Variants in MKX observed in about 807,000 individuals in gnomAD.
MKX encodes the protein mohawk homeobox, also known as homeobox protein Mohawk.
MKX carries 13 observed loss-of-function variants against 36.0 expected under a neutral mutation model. The ratio of observed to expected loss-of-function variants is 0.36; its 90% CI spans 0.24 to 0.57. The LOEUF (loss-of-function observed/expected upper bound fraction) is 0.57, where lower values mean the gene tolerates loss of function less well. Among genes scored for constraint, MKX ranks in the 20% least tolerant of loss-of-function variants. MKX has a pLI of 0.79. For missense variants in MKX, 458 were observed against 456.4 expected (o/e 1.00, Z -0.03); for synonymous variants, 176 against 178.3 (o/e 0.99, Z 0.10).
intron 5 of MKX, among the ~76,000 whole-genome samples, chr10:27,700,554 T>C (rs1459752741): frequency 6.6e-6 from 1 of 152,186 alleles, no homozygotes; most frequent in Non-Finnish European, 1.5e-5. Context: ...CTGTTCCTCA[T>C]TACCCAAGAA....
In MKX at chr10:27,741,572, C is replaced by T. The variant is rs966197622; in HGVS notation, c.189-68G>A. ...TTGCCCGCCCGGACGCTCCACGCCCCGGCCAAGCCCGGGCCCCGCATCCAA... is the reference window on the plus strand; with the variant it reads ...TTGCCCGCCCGGACGCTCCACGCCCTGGCCAAGCCCGGGCCCCGCATCCAA... On this transcript the variant is annotated intron_variant, in intron 2 of 6. Transcript: ENST00000419761. This position sits in a 1 kb window ranked among gnomAD's most constrained non-coding sequence, Gnocchi z 5.1. The T allele has an allele frequency of 4.1e-6, 6 of 1,476,380 alleles. No homozygotes were observed. Among genetic ancestry groups the T allele is most frequent in the East Asian group, 2.4e-5 (1 of 41,976 alleles). The allele number at this position is 1,476,380 out of a possible 1,614,324, so 91.5% of individuals were successfully genotyped here. A position where few individuals can be genotyped will look rare whatever the true frequency, so the allele number is the denominator to read the frequency against.
At chr10:27,697,698 C>T (rs1485298091) in intron 5 of MKX, among the ~76,000 whole-genome samples, 1 of 152,224 alleles carries the variant, frequency 6.6e-6, no homozygotes, top group Non-Finnish European at 1.5e-5. Flanking sequence ...TGAATGTGTG[C>T]TGTACACCAG....
At chr10:27,727,328 G>C (rs982364599) in intron 5 of MKX, among the ~76,000 whole-genome samples, 1 of 152,208 alleles carries the variant, frequency 6.6e-6, no homozygotes, top group Non-Finnish European at 1.5e-5. Context: ...TGAATGGAAA[G>C]CCACCCCTGA....
intron 5 of MKX, among the ~76,000 whole-genome samples, chr10:27,690,582 G>A (rs149109648): frequency 1.4e-4 from 21 of 152,190 alleles, no homozygotes; most frequent in Non-Finnish European, 2.9e-4. Flanking sequence ...TATAAAATGG[G>A]GATCATTGTA....
intron 5 of MKX, among the ~76,000 whole-genome samples, chr10:27,704,555 A>G (rs926766307): frequency 3.3e-5 from 5 of 152,124 alleles, no homozygotes; most frequent in African/African-American, 1.2e-4. Flanking sequence ...GAAAGACAAG[A>G]CCAACTCAAT....
intron 5 of MKX, among the ~76,000 whole-genome samples, chr10:27,687,257 C>A (rs551695617): frequency 6.6e-6 from 1 of 152,276 alleles, no homozygotes. Context: ...ACCCGCCTCG[C>A]CCTCCCAAAA....
intron 5 of MKX, among the ~76,000 whole-genome samples, chr10:27,689,347 G>A (rs542880218): frequency 6.6e-6 from 1 of 152,150 alleles, no homozygotes; most frequent in Non-Finnish European, 1.5e-5. Flanking sequence ...CTACTACCAA[G>A]TCTTTCTTCT....
chr10:27,674,872 G>A lies in MKX; in HGVS notation c.*357C>T, dbSNP rs1362686121. 6.3e-5 allele frequency: 11 copies of A among 173,350 alleles called. No individual in the cohort carries two copies. The East Asian group carries it at 1.2e-3, about 19-fold the overall frequency. 10.7% of individuals were successfully genotyped at this position (173,350 alleles called of 1,614,324 possible). A position where few individuals can be genotyped will look rare whatever the true frequency, so the allele number is the denominator to read the frequency against. ...TTTCAGTCCTGGAATGATTAGGCCCGTCTGGAATGATGCACACAGGCTAAT... is the reference window on the plus strand; with the variant it reads ...TTTCAGTCCTGGAATGATTAGGCCCATCTGGAATGATGCACACAGGCTAAT... On this transcript the variant is annotated 3_prime_UTR_variant, in exon 7 of 7. Transcript: ENST00000419761.
intron 5 of MKX, among the ~76,000 whole-genome samples, chr10:27,727,264 A>G (rs144853893): frequency 3.7e-4 from 56 of 152,342 alleles, no homozygotes; most frequent in African/African-American, 1.3e-3. Context: ...CTCAGCATCT[A>G]TCTACACGTA....
At chr10:27,693,962 T>A (rs1836500213) in intron 5 of MKX, among the ~76,000 whole-genome samples, 1 of 152,126 alleles carries the variant, frequency 6.6e-6, no homozygotes, top group South Asian at 2.1e-4. Context: ...AGTGAATAAG[T>A]CTCATGAAAT....
intron 5 of MKX, among the ~76,000 whole-genome samples, chr10:27,708,434 C>T (rs1430477084): frequency 1.3e-5 from 2 of 152,026 alleles, no homozygotes; most frequent in Non-Finnish European, 2.9e-5. Context: ...TTTAATGCAT[C>T]AAAAAATTGA....
At chr10:27,684,327 A>AT (rs371862317) in intron 5 of MKX, among the ~76,000 whole-genome samples, 4,317 of 151,600 alleles carry the variant, frequency 0.028, 290 homozygotes, top group East Asian at 0.25. Flanking sequence ...AAAAGAAAAA[A>AT]ATATATATAT....
intron 3 of MKX, among the ~76,000 whole-genome samples, chr10:27,736,563 G>C (rs1834782558): frequency 6.6e-6 from 1 of 151,960 alleles, no homozygotes; most frequent in Admixed American, 6.6e-5. Flanking sequence ...CCAAACTGAG[G>C]AATTTAAGCT....
chr10:27,729,927 CG>C (rs1564363992), intron 5 of MKX, among the ~76,000 whole-genome samples: 1 of 151,660 alleles, frequency 6.6e-6, no homozygotes, highest in Non-Finnish European at 1.5e-5. Flanking sequence ...GATATTACAC[CG>C]GGGGTCCTTA....
intron 5 of MKX, among the ~76,000 whole-genome samples, chr10:27,731,667 A>AG (rs1231740370): frequency 8.9e-5 from 13 of 146,300 alleles, no homozygotes; most frequent in Non-Finnish European, 1.8e-4. Context: ...AAAAAAAAAA[A>AG]TAGGCTTTTA....
At chr10:27,726,451 G>C (rs1157605594) in intron 5 of MKX, among the ~76,000 whole-genome samples, 1 of 152,180 alleles carries the variant, frequency 6.6e-6, no homozygotes, top group Non-Finnish European at 1.5e-5. Flanking sequence ...CAAAGTAGTA[G>C]TATGCTACTA....
chr10:27,706,498 C>G (rs1159503679), intron 5 of MKX, among the ~76,000 whole-genome samples: 1 of 151,830 alleles, frequency 6.6e-6, no homozygotes, highest in Non-Finnish European at 1.5e-5. Flanking sequence ...CCCAGCAGTG[C>G]TCAAGGGTCC....
intron 5 of MKX, among the ~76,000 whole-genome samples, chr10:27,681,142 G>A (rs78722523): frequency 0.028 from 4,336 of 152,260 alleles, 203 homozygotes; most frequent in African/African-American, 0.099. Flanking sequence ...TTGTGGTGAT[G>A]CTGGTGTAAA....
chr10:27,724,806 T>C lies in MKX; in HGVS notation c.838+9650A>G, dbSNP rs550186386. Among the ~76,000 whole-genome samples, 491 of 147,520 alleles carry C rather than the reference T, an allele frequency of 3.3e-3. 2 individuals carry two copies. The highest frequency in any genetic ancestry group is 5.3e-3 in the Non-Finnish European group (356 of 67,432). Reference sequence around the variant, plus strand: ...ACACACACACACCCCGCAGAAACCTTTGGCCACCAGTATTAATGGTGTGGG... The same window carrying C: ...ACACACACACACCCCGCAGAAACCTCTGGCCACCAGTATTAATGGTGTGGG... On this transcript the variant is annotated intron_variant, in intron 5 of 6. Coordinates refer to ENST00000419761, the MANE Select transcript of MKX (RefSeq NM_173576.3).
Sources: allele counts gnomAD v4.1 joint callset (sites outside exome capture counted in the v4.1 genomes callset), GRCh38; gene constraint gnomAD v4.1.1; non-coding constraint Gnocchi (gnomAD v3.1); transcripts MANE v1.5; gene names NCBI Gene and HGNC (gene_info 2026-07-23, HGNC 2026-07-21).